Variants in SPOCK2 observed in about 807,000 individuals in gnomAD.
The protein encoded by SPOCK2 is SPARC (osteonectin), cwcv and kazal like domains proteoglycan 2.
SPOCK2 carries 39 observed loss-of-function variants against 60.1 expected under a neutral mutation model. That is an observed-to-expected ratio of 0.65 (90% CI 0.50 to 0.85). The LOEUF is 0.85. Ranked by LOEUF, SPOCK2 falls within the 40% of genes least tolerant of loss-of-function variation. The pLI, the probability that SPOCK2 is intolerant of heterozygous loss-of-function variation, is 0.00. For missense variants in SPOCK2, 523 were observed against 567.4 expected, an observed-to-expected ratio of 0.92 and a Z score of 0.80; for synonymous variants, 217 against 231.5, an observed-to-expected ratio of 0.94 and a Z score of 0.57.
In SPOCK2 at chr10:72,088,451, G is replaced by A. The variant is rs1204318096; in HGVS notation, c.-123C>T. The A allele has an allele frequency of 8.5e-7, 1 of 1,183,244 alleles. No individual in the cohort carries two copies. The highest frequency in any genetic ancestry group is 1.1e-6 in the Non-Finnish European group (1 of 873,278). The allele number at this position is 1,183,244 out of a possible 1,614,324, so 73.3% of individuals were successfully genotyped here. On this transcript the variant is annotated 5_prime_UTR_variant, in exon 1 of 11. Transcript: ENST00000373109. ...AGCTCTCCTCCCGCGGTCTGCCTCC[G>A]GTGACTGGCGGAGAGTGGGTCGCGG... is the stretch of plus-strand genomic sequence containing the variant.
At chr10:72,077,449 T>C (rs1840727783) in intron 1 of SPOCK2, among the ~76,000 whole-genome samples, 1 of 152,138 alleles carries the variant, frequency 6.6e-6, no homozygotes, top group Admixed American at 6.5e-5. Flanking sequence ...TTTTTAAACC[T>C]TCCAGCACGC....
At chr10:72,065,351 T>C (rs548953004) in intron 8 of SPOCK2, among the ~76,000 whole-genome samples, 80 of 152,318 alleles carry the variant, frequency 5.3e-4, no homozygotes, top group African/African-American at 1.9e-3. Context: ...TTAGCTATGT[T>C]TAGATGCACA....
chr10:72,064,642 C>A (rs1182182174), intron 8 of SPOCK2, among the ~76,000 whole-genome samples: 2 of 152,238 alleles, frequency 1.3e-5, no homozygotes, highest in Non-Finnish European at 2.9e-5. Flanking sequence ...AACAACACTT[C>A]AGTCAACAAT....
At chr10:72,082,906 T>A (rs1035508672) in intron 1 of SPOCK2, among the ~76,000 whole-genome samples, 1 of 146,250 alleles carries the variant, frequency 6.8e-6, no homozygotes, top group Non-Finnish European at 1.5e-5. Context: ...TCATGCTCTC[T>A]CTCTCAGCCA....
intron 7 of SPOCK2, 102 bp downstream of exon 7, chr10:72,067,511 C>G: frequency 6.4e-7 from 1 of 1,557,242 alleles, no homozygotes; most frequent in Non-Finnish European, 8.7e-7. Context: ...GGCCCAGAGT[C>G]TGGCAGGAAG....
intron 1 of SPOCK2, among the ~76,000 whole-genome samples, chr10:72,082,342 T>A (rs149850247): frequency 2.5e-3 from 382 of 152,324 alleles, no homozygotes; most frequent in Admixed American, 3.7e-3. Flanking sequence ...GGCCTGGGCA[T>A]ACATTTTTCC....
intron 8 of SPOCK2, among the ~76,000 whole-genome samples, chr10:72,066,558 C>T (rs1043700379): frequency 1.2e-4 from 18 of 148,458 alleles, no homozygotes; most frequent in African/African-American, 4.5e-4. Context: ...TTGGGCTGGT[C>T]GCCAACTCCT....
At chr10:72,064,982 A>T (rs1428995700) in intron 8 of SPOCK2, among the ~76,000 whole-genome samples, 1 of 126,882 alleles carries the variant, frequency 7.9e-6, no homozygotes, top group African/African-American at 2.6e-5. Flanking sequence ...TGCCCGCCTC[A>T]GCCCCGCAAA....
Position 72,062,977 on chromosome 10 carries a change from G to GC in SPOCK2, c.1129+47dup. The GC allele has an allele frequency of 6.3e-7, 1 of 1,576,230 alleles. No homozygotes were observed. Among genetic ancestry groups the GC allele is most frequent in the Non-Finnish European group, 8.6e-7 (1 of 1,163,124 alleles). ...CACCCCCCAGCATCCCACGACAAGG[G>GC]CCCCCAGGCCTGGGCCCCCAGCAGG... On this transcript the variant is annotated intron_variant, in intron 10 of 10. Coordinates refer to ENST00000373109, the MANE Select transcript of SPOCK2 (RefSeq NM_001244950.2). This position sits in a 1 kb window ranked among gnomAD's most constrained non-coding sequence, Gnocchi z 4.3.
chr10:72,060,565 A>G lies in SPOCK2; in HGVS notation c.*2195T>C, dbSNP rs1219492423. Reference sequence around the variant, plus strand: ...AAATGGAAGAGATAGGTAGACTCCAATCCTAGCAAGAGCAGAAGTTTCAAG... The same window carrying G: ...AAATGGAAGAGATAGGTAGACTCCAGTCCTAGCAAGAGCAGAAGTTTCAAG... On this transcript the variant is annotated 3_prime_UTR_variant, in exon 11 of 11. Coordinates refer to ENST00000373109, the MANE Select transcript of SPOCK2 (RefSeq NM_001244950.2). 1 of 152,374 alleles carries G rather than the reference A, an allele frequency of 6.6e-6. No homozygotes were observed. Among genetic ancestry groups the G allele is most frequent in the African/African-American group, 2.4e-5 (1 of 41,324 alleles). 9.4% of individuals were successfully genotyped at this position (152,374 alleles called of 1,614,324 possible).
rs1322700026 is a variant in SPOCK2 at position 72,087,411 on chromosome 10, G to A, written c.189+729C>T. On this transcript the variant is annotated intron_variant, in intron 1 of 10. Coordinates refer to ENST00000373109, the MANE Select transcript of SPOCK2 (RefSeq NM_001244950.2). The surrounding 1 kb of genome is among the most constrained non-coding windows in gnomAD (Gnocchi z 4.7). Reference sequence around the variant, plus strand: ...CGGCTTCTCAAGCCCACCGGGCCGGGAGCCTTCCTCTGGCTCCGAGCTGCT... The same window carrying A: ...CGGCTTCTCAAGCCCACCGGGCCGGAAGCCTTCCTCTGGCTCCGAGCTGCT... Among the ~76,000 whole-genome samples, 2 of 152,194 alleles carry A rather than the reference G, an allele frequency of 1.3e-5. No homozygotes were observed. Among genetic ancestry groups the A allele is most frequent in the Non-Finnish European group, 2.9e-5 (2 of 68,022 alleles).
chr10:72,064,232 A>G lies in SPOCK2; in HGVS notation c.937T>C (p.Cys313Arg). 6.2e-7 allele frequency: 1 copy of G among 1,601,690 alleles called. No homozygotes were observed. Among genetic ancestry groups the G allele is most frequent in the Non-Finnish European group, 8.5e-7 (1 of 1,175,642 alleles). Reference sequence around the variant, plus strand: ...TGGATGCGCTCCAGCTCTGCCAGGCAGGGGGGCTCTGTGGGGAGAGAAGCA... The same window carrying G: ...TGGATGCGCTCCAGCTCTGCCAGGCGGGGGGGCTCTGTGGGGAGAGAAGCA... ...CFCFWREKPP[C>R]LAELERIQIQ... Residue 313 changes from cysteine (C) to arginine (R), a missense_variant, in exon 9 of 11, where the codon TGC becomes CGC. Cys to Arg is a radical substitution (Grantham distance 180). Coordinates refer to ENST00000373109, the MANE Select transcript of SPOCK2 (RefSeq NM_001244950.2).
chr10:72,085,769 T>C (rs1406692699), intron 1 of SPOCK2, among the ~76,000 whole-genome samples: 2 of 152,206 alleles, frequency 1.3e-5, no homozygotes, highest in African/African-American at 4.8e-5. Flanking sequence ...CCAAGGAGCA[T>C]ATTTTCCAAA....
intron 1 of SPOCK2, among the ~76,000 whole-genome samples, chr10:72,075,073 C>G (rs76753637): frequency 1.3e-5 from 2 of 152,096 alleles, no homozygotes; most frequent in African/African-American, 4.8e-5. Flanking sequence ...CTGCAGGCAC[C>G]ACTTCCCTCG....
intron 5 of SPOCK2, among the ~76,000 whole-genome samples, chr10:72,069,748 G>A (rs1389612027): frequency 3.9e-5 from 6 of 152,244 alleles, no homozygotes; most frequent in South Asian, 4.2e-4. Context: ...GTGAGCCACC[G>A]TGACCAGCCT....
chr10:72,071,614 A>T (rs1342744167), intron 4 of SPOCK2, among the ~76,000 whole-genome samples: 1 of 152,180 alleles, frequency 6.6e-6, no homozygotes, highest in African/African-American at 2.4e-5. Flanking sequence ...ACCTCAAATT[A>T]TATGGTCTAA....
At position 72,066,963 on chromosome 10, in the gene SPOCK2, A is replaced by G. The variant is rs1253951823; in HGVS notation, c.867T>C (p.Cys289=). 6.2e-7 allele frequency: 1 copy of G among 1,614,238 alleles called. No individual in the cohort carries two copies. Among genetic ancestry groups the G allele is most frequent in the East Asian group, 2.2e-5 (1 of 44,884 alleles). Residue 289 remains cysteine, a synonymous_variant, in exon 8 of 11, where the codon TGT becomes TGC. Transcript: ENST00000373109. ...EVCIRPFFNS[C]DTYKDGRVST... ...AGACCCGGCCATCCTTGTAGGTGTC[A>G]CAGGAGTTGAAGAAGGGACGGATGC... is the stretch of plus-strand genomic sequence containing the variant.
intron 9 of SPOCK2, among the ~76,000 whole-genome samples, 183 bp from the exon 10 acceptor site, chr10:72,063,345 C>T (rs568025142): frequency 5.3e-5 from 8 of 152,324 alleles, no homozygotes; most frequent in Admixed American, 1.3e-4. Flanking sequence ...GCAATTCTTT[C>T]GGCTCTACTC....
In SPOCK2 at chr10:72,064,256, C is replaced by A; in HGVS notation, c.929-16G>T. 1 of 1,582,456 alleles carries A rather than the reference C, an allele frequency of 6.3e-7. No homozygotes were observed. Among genetic ancestry groups the A allele is most frequent in the Non-Finnish European group, 8.6e-7 (1 of 1,168,488 alleles). On this transcript the variant is annotated splice_polypyrimidine_tract_variant and intron_variant, in intron 8 of 10. Coordinates refer to ENST00000373109, the MANE Select transcript of SPOCK2 (RefSeq NM_001244950.2). ...CAGGGGGGCTCTGTGGGGAGAGAAGCAGCCTCTGATGGGACTGTCCCCTGG... is the reference window on the plus strand; with the variant it reads ...CAGGGGGGCTCTGTGGGGAGAGAAGAAGCCTCTGATGGGACTGTCCCCTGG...
Sources: allele counts gnomAD v4.1 joint callset (sites outside exome capture counted in the v4.1 genomes callset), GRCh38; gene constraint gnomAD v4.1.1; non-coding constraint Gnocchi (gnomAD v3.1); transcripts MANE v1.5; gene names NCBI Gene and HGNC (gene_info 2026-07-23, HGNC 2026-07-21).